Variants in UPF2 observed in about 807,000 individuals in gnomAD.
UPF2 encodes UPF2 regulator of nonsense mediated mRNA decay.
A neutral mutation model predicts 141.4 loss-of-function variants in UPF2; 17 were observed. The observed-to-expected ratio is 0.12, with a 90% confidence interval of 0.08 to 0.18. The LOEUF is 0.18. Ranked by LOEUF, UPF2 falls within the 10% of genes least tolerant of loss-of-function variation. UPF2 has a pLI of 1.00. For missense variants in UPF2, 1,152 were observed against 1,515.9 expected (o/e 0.76, Z 3.99); for synonymous variants, 540 against 498.0 (o/e 1.08, Z -1.12).
At chr10:11,967,558 T>G in intron 9 of UPF2, 104 bp from the exon 10 acceptor site, 4 of 757,764 alleles carry the variant, frequency 5.3e-6, no homozygotes, top group Admixed American at 3.9e-5. Context: ...TTTTTTTTTT[T>G]TTTTTTTTTT....
chr10:12,035,358 T>G lies in UPF2; in HGVS notation c.66A>C (p.Glu22Asp). 6.2e-7 allele frequency: 1 copy of G among 1,603,136 alleles called. No homozygotes were observed. The highest frequency in any genetic ancestry group is 1.1e-5 in the South Asian group (1 of 88,282). ...EEKDSLPNNK[E>D]KDCSERRTVS... ...CTGTCCGCCTTTCACTGCAGTCTTT[T>G]TCCTTGTTGTTTGGTAAAGAGTCTT... The change falls in exon 2 of 22, where the codon GAA (glutamate) becomes GAC (aspartate). Residue 22 changes from glutamate to aspartate, a missense_variant. Coordinates refer to ENST00000357604, the MANE Select transcript of UPF2 (RefSeq NM_015542.4).
At position 11,964,132 on chromosome 10, in the gene UPF2, C is replaced by T. The variant is rs776658061; in HGVS notation, c.2068-7G>A. Reference sequence around the variant, plus strand: ...AGAAGTCTGACAGAAGCATCTGCAACAGGAAGAATGATGAAAACTACAAAG... The same window carrying T: ...AGAAGTCTGACAGAAGCATCTGCAATAGGAAGAATGATGAAAACTACAAAG... On this transcript the variant is annotated splice_region_variant and splice_polypyrimidine_tract_variant and intron_variant, in intron 10 of 21. Transcript: ENST00000357604. The T allele has an allele frequency of 1.9e-6, 3 of 1,600,100 alleles. No homozygotes were observed. The highest frequency in any genetic ancestry group is 2.2e-5 in the South Asian group (2 of 90,208).
rs1204744093 is a variant in UPF2, at chr10:11,938,842, G to GTTTTTTTTT, written c.3379-2139_3379-2131dup. On this transcript the variant is annotated intron_variant, in intron 18 of 21. Coordinates refer to ENST00000357604, the MANE Select transcript of UPF2 (RefSeq NM_015542.4). ...GTCCTAGCCATGTGGTCTTAAGCAA[G>GTTTTTTTTT]TTTTTTTTTTGTTTTTTTTTTTTTT... is the stretch of plus-strand genomic sequence containing the variant. Among the ~76,000 whole-genome samples the GTTTTTTTTT allele has an allele frequency of 9.4e-4, 43 of 45,842 alleles. 1 individual carries two copies. Among genetic ancestry groups the GTTTTTTTTT allele is most frequent in the African/African-American group, 2.0e-3 (28 of 14,234 alleles). The allele number at this position is 45,842 out of a possible 152,430, so 30.1% of individuals were successfully genotyped here. A position where few individuals can be genotyped will look rare whatever the true frequency, so the allele number is the denominator to read the frequency against.
In UPF2 at chr10:11,959,377, T is replaced by C. The variant is rs1236950530; in HGVS notation, c.2185-21A>G. 1 of 1,543,850 alleles carries C rather than the reference T, an allele frequency of 6.5e-7. No individual in the cohort carries two copies. Among genetic ancestry groups the C allele is most frequent in the East Asian group, 2.3e-5 (1 of 43,874 alleles). ...TGCTCCTGAAATAAAAAGTCCAAAT[T>C]AATCAAAACACGTTCCTTCTAAGAT... On this transcript the variant is annotated intron_variant, in intron 11 of 21. Transcript: ENST00000357604. The surrounding 1 kb of genome is among the most constrained non-coding windows in gnomAD (Gnocchi z 5.9).
Position 11,963,215 on chromosome 10 carries a change from G to T in UPF2, c.2184+794C>A, listed in dbSNP as rs1008310119. Among the ~76,000 whole-genome samples, 19 of 152,218 alleles carry T rather than the reference G, an allele frequency of 1.2e-4. No homozygotes were observed. In the South Asian group the frequency reaches 3.9e-3, roughly 32 times the overall value. On this transcript the variant is annotated intron_variant, in intron 11 of 21. Coordinates refer to ENST00000357604, the MANE Select transcript of UPF2 (RefSeq NM_015542.4). Reference sequence around the variant, plus strand: ...TGCAGCCCTCCATTACAGCACCTACGACACTGTATTAGAATTACGTAGTTA... The same window carrying T: ...TGCAGCCCTCCATTACAGCACCTACTACACTGTATTAGAATTACGTAGTTA...
At chr10:11,964,469 C>T (rs1452875025) in intron 10 of UPF2, among the ~76,000 whole-genome samples, 1 of 152,174 alleles carries the variant, frequency 6.6e-6, no homozygotes, top group Non-Finnish European at 1.5e-5. Context: ...AAAATTCTCA[C>T]TACAAAAGTA....
rs1834189143 is a variant in UPF2, at chr10:12,014,740, T to C, written c.1146-556A>G. Reference sequence around the variant, plus strand: ...CTCAGTTTTCAAAACCAACAGATTTTGAATAGGTTCAAAAGAAACAGAATC... The same window carrying C: ...CTCAGTTTTCAAAACCAACAGATTTCGAATAGGTTCAAAAGAAACAGAATC... On this transcript the variant is annotated intron_variant, in intron 3 of 21. Transcript: ENST00000357604. This position sits in a 1 kb window ranked among gnomAD's most constrained non-coding sequence, Gnocchi z 5.0. 1.3e-5 allele frequency among the ~76,000 whole-genome samples: 2 copies of C among 152,212 alleles called. No individual in the cohort carries two copies. Among genetic ancestry groups the C allele is most frequent in the Admixed American group, 1.3e-4 (2 of 15,268 alleles).
chr10:11,926,182 G>A (rs1832710486), intron 21 of UPF2, among the ~76,000 whole-genome samples: 1 of 152,200 alleles, frequency 6.6e-6, no homozygotes, highest in Admixed American at 6.5e-5. Flanking sequence ...TACATTTAGG[G>A]ATTGAGGGAG....
chr10:12,026,199 C>T (rs1198925070), intron 3 of UPF2, among the ~76,000 whole-genome samples: 1 of 152,138 alleles, frequency 6.6e-6, no homozygotes, highest in South Asian at 2.1e-4. Context: ...TGCAAGTACA[C>T]ATTTAGGCTT....
In UPF2 at chr10:11,992,420, A is replaced by G. The variant is rs1412572866; in HGVS notation, c.1844+5252T>C. ...TAATATCAGATGAGTGACTAAAGAG[A>G]GTAAGAAAAGAAGACACCACAAACT... On this transcript the variant is annotated intron_variant, in intron 8 of 21. Coordinates refer to ENST00000357604, the MANE Select transcript of UPF2 (RefSeq NM_015542.4). The surrounding 1 kb of genome is among the most constrained non-coding windows in gnomAD (Gnocchi z 4.1). Among the ~76,000 whole-genome samples the G allele has an allele frequency of 2.0e-5, 3 of 152,202 alleles. No individual in the cohort carries two copies. Among genetic ancestry groups the G allele is most frequent in the Non-Finnish European group, 4.4e-5 (3 of 68,036 alleles).
rs1359746570 is a variant in UPF2, at chr10:11,998,914, A to C, written c.1758+992T>G. Among the ~76,000 whole-genome samples the C allele has an allele frequency of 2.6e-5, 4 of 151,920 alleles. No individual in the cohort carries two copies. The East Asian group carries it at 7.8e-4, about 30-fold the overall frequency. ...GTGGTGCACGCCTGTAGTCCCAGCT[A>C]CTCAGGAGGCTGAGGCAGGAGAATC... On this transcript the variant is annotated intron_variant, in intron 7 of 21. Coordinates refer to ENST00000357604, the MANE Select transcript of UPF2 (RefSeq NM_015542.4). The surrounding 1 kb of genome is among the most constrained non-coding windows in gnomAD (Gnocchi z 4.5).
Position 11,955,515 on chromosome 10 carries a change from G to A in UPF2, c.2575-8C>T, listed in dbSNP as rs766315174. On this transcript the variant is annotated splice_region_variant and splice_polypyrimidine_tract_variant and intron_variant, in intron 13 of 21. Coordinates refer to ENST00000357604, the MANE Select transcript of UPF2 (RefSeq NM_015542.4). ...AAATTTAGGTTGATTAACCTAAAAG[G>A]CAACAAAACCACAGATTTTCATTAA... The A allele has an allele frequency of 6.3e-7, 1 of 1,598,374 alleles. No homozygotes were observed. Among genetic ancestry groups the A allele is most frequent in the Non-Finnish European group, 8.5e-7 (1 of 1,172,908 alleles).
chr10:11,996,221 T>G (rs937625448), intron 8 of UPF2, among the ~76,000 whole-genome samples: 1 of 152,170 alleles, frequency 6.6e-6, no homozygotes, highest in Non-Finnish European at 1.5e-5. Flanking sequence ...TTCCTGATTA[T>G]CAGGCTGATT....
At chr10:12,017,916 C>G (rs1472893503) in intron 3 of UPF2, among the ~76,000 whole-genome samples, 4 of 152,028 alleles carry the variant, frequency 2.6e-5, no homozygotes, top group Non-Finnish European at 4.4e-5. Flanking sequence ...CAGATTTTTT[C>G]TTTTGTTTTG....
intron 10 of UPF2, among the ~76,000 whole-genome samples, chr10:11,966,624 A>G (rs1340040513): frequency 6.6e-6 from 1 of 152,142 alleles, no homozygotes; most frequent in Non-Finnish European, 1.5e-5. Context: ...GGGTTTCTCC[A>G]TGTTGGTCAG....
chr10:11,955,644 A>G (rs1833136964), intron 13 of UPF2, 137 bp from the exon 14 acceptor site: 1 of 881,082 alleles, frequency 1.1e-6, no homozygotes, highest in Non-Finnish European at 1.7e-6. Context: ...CTTTTCTAAT[A>G]AACTGGTTAC....
rs1005131945 is a variant in UPF2, at chr10:11,992,672, T to A, written c.1844+5000A>T. Among the ~76,000 whole-genome samples the A allele has an allele frequency of 6.6e-6, 1 of 152,130 alleles. No individual in the cohort carries two copies. The highest frequency in any genetic ancestry group is 1.5e-5 in the Non-Finnish European group (1 of 68,020). On this transcript the variant is annotated intron_variant, in intron 8 of 21. Transcript: ENST00000357604. The surrounding 1 kb of genome is among the most constrained non-coding windows in gnomAD (Gnocchi z 4.1). ...AATATTACAGAACTCAAGCCAATCATAAATAGCCTAAATTACTTTCATTAA... is the reference window on the plus strand; with the variant it reads ...AATATTACAGAACTCAAGCCAATCAAAAATAGCCTAAATTACTTTCATTAA...
rs111550867 is a variant in UPF2, at chr10:11,928,721, A to G, written c.3809+1144T>C. 21 of 370,558 alleles carry G rather than the reference A, an allele frequency of 5.7e-5. 1 individual carries two copies. Among genetic ancestry groups the G allele is most frequent in the African/African-American group, 4.4e-4 (20 of 45,154 alleles). 23.0% of individuals were successfully genotyped at this position (370,558 alleles called of 1,614,324 possible). A position where few individuals can be genotyped will look rare whatever the true frequency, so the allele number is the denominator to read the frequency against. On this transcript the variant is annotated intron_variant, in intron 21 of 21. Coordinates refer to ENST00000357604, the MANE Select transcript of UPF2 (RefSeq NM_015542.4). ...CAGACTCCGCCTCAGAAAAAAAAAA[A>G]ACTAAAAACCATAAAAGAGGTCTTA...
rs1834233038 is a variant in UPF2 at position 12,016,995 on chromosome 10, G to C, written c.1146-2811C>G. On this transcript the variant is annotated intron_variant, in intron 3 of 21. Transcript: ENST00000357604. This position sits in a 1 kb window ranked among gnomAD's most constrained non-coding sequence, Gnocchi z 4.1. ...AGATTGCACCATTGCACTCCAGCCT[G>C]AGCAACAGAGCGAGACTCCATCTCG... Among the ~76,000 whole-genome samples the C allele has an allele frequency of 6.8e-6, 1 of 147,288 alleles. No homozygotes were observed. Among genetic ancestry groups the C allele is most frequent in the Admixed American group, 6.8e-5 (1 of 14,622 alleles).
Sources: gnomAD v4.1 joint callset for allele counts (sites outside exome capture counted in the v4.1 genomes callset) on GRCh38, gnomAD v4.1.1 for gene constraint, Gnocchi (gnomAD v3.1) non-coding constraint, MANE v1.5 for transcripts, NCBI Gene and HGNC (gene_info 2026-07-23, HGNC 2026-07-21) for gene names.